BLTP2: variants seen among roughly 807,000 people sequenced by gnomAD.
BLTP2 encodes U937-associated antigen.
chr17:28,640,512 C>T, the BLTP2 span: 1 of 1,606,298 alleles, frequency 6.2e-7, no homozygotes, highest in South Asian at 1.1e-5. Context: ...TACCAACATA[C>T]AGCTCCCACT....
At chr17:28,639,251 T>G in the BLTP2 span, 6 of 1,564,318 alleles carry the variant, frequency 3.8e-6, no homozygotes, top group Non-Finnish European at 5.3e-6. Context: ...GGATGCCAAT[T>G]TGGACCAAAA....
At chr17:28,635,505 G>A in the BLTP2 span, 1 of 1,614,198 alleles carries the variant, frequency 6.2e-7, no homozygotes, top group Non-Finnish European at 8.5e-7. Context: ...GAAACACAGT[G>A]GCTCTTAGTA....
the BLTP2 span, among the ~76,000 whole-genome samples, chr17:28,622,571 T>C: frequency 2.6e-5 from 4 of 152,362 alleles, no homozygotes; most frequent in Admixed American, 6.5e-5. Flanking sequence ...ACCTGTTAAA[T>C]AAGTAATAAC....
the BLTP2 span, chr17:28,616,850 G>A: frequency 1.9e-6 from 3 of 1,603,684 alleles, no homozygotes; most frequent in Non-Finnish European, 2.6e-6. This position sits in a 1 kb window ranked among gnomAD's most constrained non-coding sequence, Gnocchi z 4.8. Context: ...GCTTTTGAAT[G>A]TCCCTTGTTC....
the BLTP2 span, chr17:28,633,775 T>C: frequency 6.8e-6 from 11 of 1,608,032 alleles, no homozygotes; most frequent in African/African-American, 1.1e-4. Context: ...ACAAAGGCTA[T>C]AACTTGTTCA....
chr17:28,640,463 C>G, the BLTP2 span: 3 of 1,295,706 alleles, frequency 2.3e-6, no homozygotes, highest in Non-Finnish European at 3.3e-6. Context: ...CCTTTCTCCC[C>G]GTAGACAAGC....
chr17:28,636,099 T>G, the BLTP2 span: 1 of 153,514 alleles, frequency 6.5e-6, no homozygotes, highest in Non-Finnish European at 1.4e-5. Flanking sequence ...CAAGTCAATA[T>G]GGCAGCTGAC....
At chr17:28,637,501 T>C in the BLTP2 span, among the ~76,000 whole-genome samples, 68 of 152,302 alleles carry the variant, frequency 4.5e-4, no homozygotes, top group African/African-American at 1.4e-3. Flanking sequence ...TTGCCTTTCA[T>C]AAGCCCTTAA....
chr17:28,639,542 A>G, the BLTP2 span: 1 of 1,613,072 alleles, frequency 6.2e-7, no homozygotes, highest in Non-Finnish European at 8.5e-7. Context: ...AGAATAGAGA[A>G]AGGAACAATT....
the BLTP2 span, chr17:28,616,294 A>T: frequency 6.2e-7 from 1 of 1,605,370 alleles, no homozygotes; most frequent in Non-Finnish European, 8.5e-7. This position sits in a 1 kb window ranked among gnomAD's most constrained non-coding sequence, Gnocchi z 4.8. Context: ...GAATGGACTT[A>T]GAGGAAACCG....
the BLTP2 span, chr17:28,628,159 T>C: frequency 1.0e-6 from 1 of 969,364 alleles, no homozygotes; most frequent in South Asian, 1.6e-5. Flanking sequence ...GTTTCACTTC[T>C]TTACCTAGAT....
chr17:28,619,037 A>G, the BLTP2 span: 2 of 1,304,966 alleles, frequency 1.5e-6, no homozygotes, highest in Non-Finnish European at 2.2e-6. Flanking sequence ...GTGGGATAGA[A>G]TGCTCTAGAA....
chr17:28,619,798 G>A, the BLTP2 span: 2 of 1,613,880 alleles, frequency 1.2e-6, no homozygotes, highest in Non-Finnish European at 1.7e-6. Context: ...GATAGAAACT[G>A]AGAGACCGCC....
At chr17:28,623,568 T>C in the BLTP2 span, among the ~76,000 whole-genome samples, 2 of 130,986 alleles carry the variant, frequency 1.5e-5, no homozygotes, top group Admixed American at 1.5e-4. Flanking sequence ...TGCAATGAAA[T>C]AGAACACCAT....
the BLTP2 span, chr17:28,628,345 C>A: frequency 1.4e-5 from 22 of 1,614,092 alleles, no homozygotes; most frequent in Admixed American, 1.7e-4. Flanking sequence ...AGTTGGGACA[C>A]CCCGCTTTGG....
chr17:28,640,021 G>A, the BLTP2 span: 1 of 1,613,448 alleles, frequency 6.2e-7, no homozygotes, highest in Non-Finnish European at 8.5e-7. Flanking sequence ...GTCCAAGTCA[G>A]GTGCCTGGAC....
chr17:28,644,070 G>T, the BLTP2 span: 4 of 1,614,166 alleles, frequency 2.5e-6, no homozygotes, highest in Non-Finnish European at 2.5e-6. Flanking sequence ...CTGTTTGCTG[G>T]TGTTGCTGAA....
At chr17:28,643,938 G>T in the BLTP2 span, 1 of 1,286,746 alleles carries the variant, frequency 7.8e-7, no homozygotes, top group Non-Finnish European at 1.1e-6. Flanking sequence ...GCAAAGAAAT[G>T]GCAAGGCTGG....
At chr17:28,636,755 G>A in the BLTP2 span, among the ~76,000 whole-genome samples, 2 of 152,088 alleles carry the variant, frequency 1.3e-5, no homozygotes, top group Admixed American at 6.5e-5. Flanking sequence ...GTTAAAAAGA[G>A]AGGCTGGGCG....
Sources: gnomAD v4.1 joint callset for allele counts (sites outside exome capture counted in the v4.1 genomes callset) on GRCh38, gnomAD v4.1.1 for gene constraint, Gnocchi (gnomAD v3.1) non-coding constraint, MANE v1.5 for transcripts, NCBI Gene and HGNC (gene_info 2026-07-23, HGNC 2026-07-21) for gene names.